TMPRSS9: variants seen among roughly 807,000 people sequenced by gnomAD.
The protein encoded by TMPRSS9 is transmembrane serine protease 9, also known as transmembrane protease serine 9.
A neutral mutation model predicts 111.4 loss-of-function variants in TMPRSS9; 113 were observed. That is an observed-to-expected ratio of 1.01 (90% CI 0.87 to 1.19). The LOEUF (loss-of-function observed/expected upper bound fraction) is 1.19. Ranked by LOEUF, TMPRSS9 falls within the 50% of genes most tolerant of loss-of-function variation. The probability of loss-of-function intolerance (pLI) is 0.00; values close to 1 mark genes in which losing one functional copy is unlikely to be tolerated. For missense variants in TMPRSS9, 1,803 were observed against 1,513.1 expected (o/e 1.19, Z -3.18); for synonymous variants, 805 against 659.1 (o/e 1.22, Z -3.39).
exon 15 of TMPRSS9, chr19:2,424,181 C>T (rs1276805662): frequency 6.8e-6 from 10 of 1,460,610 alleles, no homozygotes; most frequent in African/African-American, 1.5e-5. Flanking sequence ...CCTGTGGCTG[C>T]GGCGCCGGGA....
chr19:2,376,006 A>G (rs1433773316), intron 1 of TMPRSS9, among the ~76,000 whole-genome samples: 2 of 152,198 alleles, frequency 1.3e-5, no homozygotes, highest in East Asian at 1.9e-4. Context: ...CTCTCTCCGA[A>G]GTCAGCATCG....
At chr19:2,425,995 C>G (rs752580832) in exon 18 of TMPRSS9, 19 of 1,606,830 alleles carry the variant, frequency 1.2e-5, no homozygotes, top group Non-Finnish European at 1.4e-5. Flanking sequence ...GGGTCACTAG[C>G]TGGGGCTATG....
intron 1 of TMPRSS9, among the ~76,000 whole-genome samples, chr19:2,368,534 T>C (rs1970264283): frequency 6.6e-6 from 1 of 151,902 alleles, no homozygotes; most frequent in South Asian, 2.1e-4. Flanking sequence ...GTGGGGAGGT[T>C]TGGGCAGAGG....
chr19:2,409,449 T>C (rs777910518), intron 8 of TMPRSS9, among the ~76,000 whole-genome samples: 2 of 152,016 alleles, frequency 1.3e-5, no homozygotes, highest in Non-Finnish European at 2.9e-5. Context: ...GCCAAAAAAA[T>C]TGATCTTAAT....
At chr19:2,368,788 T>TTTTTTTTG (rs1568465410) in intron 1 of TMPRSS9, among the ~76,000 whole-genome samples, 18 of 114,400 alleles carry the variant, frequency 1.6e-4, no homozygotes, top group African/African-American at 7.6e-4. Context: ...TTTTTTTTTT[T>TTTTTTTTG]TTTTTTTTTT....
intron 14 of TMPRSS9, 56 bp downstream of exon 15, chr19:2,422,303 T>A: frequency 2.0e-6 from 3 of 1,472,552 alleles, no homozygotes; most frequent in Admixed American, 4.8e-5. Context: ...TTAATCAGCC[T>A]GGGCTGCCTA....
chr19:2,371,021 A>G (rs959891575), intron 1 of TMPRSS9, among the ~76,000 whole-genome samples: 1 of 152,098 alleles, frequency 6.6e-6, no homozygotes, highest in African/African-American at 2.4e-5. Context: ...TTTGGAACTC[A>G]CTTTAATTTT....
intron 13 of TMPRSS9, among the ~76,000 whole-genome samples, chr19:2,421,066 C>T (rs1188878734): frequency 6.6e-6 from 1 of 151,558 alleles, no homozygotes; most frequent in African/African-American, 2.4e-5. Flanking sequence ...ATTAGCCGGG[C>T]GTTGTGGCTT....
At chr19:2,418,199 C>G in intron 13 of TMPRSS9, 61 bp downstream of exon 14, 4 of 1,524,148 alleles carry the variant, frequency 2.6e-6, no homozygotes, top group Non-Finnish European at 1.8e-6. Flanking sequence ...GCCGTTCACC[C>G]AGCAGTTCTT....
At chr19:2,405,625 C>A in intron 7 of TMPRSS9, 80 bp downstream of exon 8, 1 of 1,397,230 alleles carries the variant, frequency 7.2e-7, no homozygotes, top group African/African-American at 1.5e-5. Context: ...GACGTCACTT[C>A]TGGTTTCCTT....
exon 11 of TMPRSS9, chr19:2,415,684 C>A (rs1307241381): frequency 1.2e-6 from 2 of 1,600,050 alleles, no homozygotes; most frequent in Non-Finnish European, 1.7e-6. Context: ...TGGGGCCAGG[C>A]CTGCAATGGA....
chr19:2,399,508 G>A (rs913775191), intron 4 of TMPRSS9, among the ~76,000 whole-genome samples: 17 of 152,264 alleles, frequency 1.1e-4, no homozygotes, highest in East Asian at 3.9e-4. Context: ...CCTGGGAGGC[G>A]GAGGTTGCAG....
chr19:2,390,303 T>C (rs556067277), intron 1 of TMPRSS9, among the ~76,000 whole-genome samples: 64 of 93,848 alleles, frequency 6.8e-4, no homozygotes, highest in South Asian at 8.4e-4. Flanking sequence ...TGCAGTGGTG[T>C]GATATCTCGG....
chr19:2,402,029 C>CTCT lies in TMPRSS9; in HGVS notation c.556+14_556+16dup. 6.2e-7 allele frequency: 1 copy of CTCT among 1,609,826 alleles called. No individual in the cohort carries two copies. Among genetic ancestry groups the CTCT allele is most frequent in the African/African-American group, 1.3e-5 (1 of 74,870 alleles). On this transcript the variant is annotated intron_variant, in intron 5 of 17. Coordinates refer to ENST00000648592, the Ensembl canonical transcript of TMPRSS9. ...GACTTCAAATCAGGTATGTTTTTCTCTCTGGCCTTTTCTCTGATTGCAGTT... is the reference window on the plus strand; with the variant it reads ...GACTTCAAATCAGGTATGTTTTTCTCTCTTCTGGCCTTTTCTCTGATTGCAGTT...
chr19:2,411,676 C>T (rs555374055), intron 9 of TMPRSS9, among the ~76,000 whole-genome samples: 49 of 152,150 alleles, frequency 3.2e-4, no homozygotes, highest in African/African-American at 8.9e-4. Flanking sequence ...CTCAGCCTCC[C>T]GAGTAGCTGG....
rs777126963 is a variant in TMPRSS9, at chr19:2,410,404, C to T, written c.1254+10C>T. 127 of 1,613,354 alleles carry T rather than the reference C, an allele frequency of 7.9e-5. 1 individual carries two copies. The highest frequency in any genetic ancestry group is 1.6e-4 in the Middle Eastern group (1 of 6,078). On this transcript the variant is annotated intron_variant, in intron 9 of 17. Coordinates refer to ENST00000648592, the Ensembl canonical transcript of TMPRSS9. ...GGTGGACTCCTGCCAGGTGAGCCCCCGATGCCCCAGACCCCAGAAAAACAC... is the reference window on the plus strand; with the variant it reads ...GGTGGACTCCTGCCAGGTGAGCCCCTGATGCCCCAGACCCCAGAAAAACAC...
intron 1 of TMPRSS9, among the ~76,000 whole-genome samples, chr19:2,390,435 G>T (rs908923965): frequency 6.7e-6 from 1 of 149,406 alleles, no homozygotes; most frequent in Non-Finnish European, 1.5e-5. Context: ...AGTAGAGACG[G>T]GGTTTCACCG....
intron 1 of TMPRSS9, among the ~76,000 whole-genome samples, chr19:2,377,456 T>TCCCCTCC (rs1970345866): frequency 1.3e-5 from 1 of 75,924 alleles, no homozygotes. Flanking sequence ...CCTTCTCCCC[T>TCCCCTCC]CCCCTCTCCC....
intron 15 of TMPRSS9, 144 bp from the exon 17 acceptor site, chr19:2,424,858 T>G: frequency 9.3e-7 from 1 of 1,070,862 alleles, no homozygotes; most frequent in Non-Finnish European, 1.2e-6. Context: ...TGGGGGAGAC[T>G]GAGCCCATTC....
Sources: allele counts gnomAD v4.1 joint callset (sites outside exome capture counted in the v4.1 genomes callset), GRCh38; gene constraint gnomAD v4.1.1; transcripts MANE v1.5; gene names NCBI Gene and HGNC (gene_info 2026-07-23, HGNC 2026-07-21).